Variants in SHISA9 observed in about 807,000 individuals in gnomAD.
The protein encoded by SHISA9 is shisa family member 9.
Under a neutral mutation model 38.0 loss-of-function variants are expected in SHISA9, and 13 were observed. The observed-to-expected ratio is 0.34, with a 90% CI of 0.22 to 0.54. The LOEUF is 0.54. Ranked by LOEUF, SHISA9 falls within the 20% of genes least tolerant of loss-of-function variation. The pLI is 0.91. For synonymous variants in SHISA9, 275 were observed against 242.0 expected, an observed-to-expected ratio of 1.14 and a Z score of -1.27; for missense variants, 538 against 575.8, an observed-to-expected ratio of 0.93 and a Z score of 0.67.
chr16:13,414,646 CTTTCTTT>C, the SHISA9 span, among the ~76,000 whole-genome samples: 2 of 136,612 alleles, frequency 1.5e-5, no homozygotes, highest in Non-Finnish European at 3.1e-5. Flanking sequence ...TTCTTTCTTT[CTTTCTTT>C]TTTTTTTTTC....
intron 2 of SHISA9, among the ~76,000 whole-genome samples, chr16:13,044,646 G>T (rs904170110): frequency 5.9e-5 from 9 of 152,188 alleles, no homozygotes; most frequent in Admixed American, 2.6e-4. Context: ...AGATGAGGAG[G>T]TTGCAGAAGG....
chr16:13,419,829 G>A, the SHISA9 span, among the ~76,000 whole-genome samples: 2 of 152,122 alleles, frequency 1.3e-5, no homozygotes, highest in Non-Finnish European at 2.9e-5. Context: ...CAGGTGGCAG[G>A]CTGGATTTGG....
At chr16:12,951,338 TG>T (rs1215451812) in intron 2 of SHISA9, among the ~76,000 whole-genome samples, 4 of 149,514 alleles carry the variant, frequency 2.7e-5, no homozygotes, top group Non-Finnish European at 4.4e-5. Context: ...GCAACATCAC[TG>T]GGGGGTAGAA....
chr16:12,998,932 T>C (rs2072491521), intron 2 of SHISA9, among the ~76,000 whole-genome samples: 2 of 152,184 alleles, frequency 1.3e-5, no homozygotes, highest in Non-Finnish European at 2.9e-5. Flanking sequence ...ACCATTGCTC[T>C]TAGAGGAAAT....
At chr16:13,313,254 C>CAA in the SHISA9 span, among the ~76,000 whole-genome samples, 2,447 of 49,546 alleles carry the variant, frequency 0.049, 55 homozygotes, top group Middle Eastern at 0.098. Flanking sequence ...GACTCCGTCT[C>CAA]AAAAAAAAAA....
intron 2 of SHISA9, among the ~76,000 whole-genome samples, chr16:13,114,187 C>T (rs2074006919): frequency 6.6e-6 from 1 of 151,992 alleles, no homozygotes; most frequent in Non-Finnish European, 1.5e-5. Context: ...ACGAAAAAGG[C>T]TGGGCGTGGT....
intron 2 of SHISA9, among the ~76,000 whole-genome samples, chr16:13,175,861 C>A (rs1213314465): frequency 6.6e-6 from 1 of 152,126 alleles, no homozygotes; most frequent in African/African-American, 2.4e-5. Context: ...TAGAACGTCA[C>A]ATGTGAGGAG....
the SHISA9 span, among the ~76,000 whole-genome samples, chr16:13,271,589 T>C: frequency 2.0e-5 from 3 of 152,134 alleles, no homozygotes; most frequent in African/African-American, 4.8e-5. Flanking sequence ...ACATCATGAA[T>C]GAACCTCAAA....
At chr16:13,240,434 T>G (rs753971777), downstream of SHISA9, 1 of 152,256 alleles carries the variant, frequency 6.6e-6, no homozygotes, top group Non-Finnish European at 1.5e-5. Context: ...GGGATTGTCA[T>G]GTATCTTTCT....
At chr16:13,201,117 G>A (rs1303980654) in intron 2 of SHISA9, among the ~76,000 whole-genome samples, 1 of 135,208 alleles carries the variant, frequency 7.4e-6, no homozygotes. Flanking sequence ...TTCAGGGGTT[G>A]TCAAACTATA....
chr16:13,197,348 G>C (rs1037755975), intron 2 of SHISA9, among the ~76,000 whole-genome samples: 3 of 152,100 alleles, frequency 2.0e-5, no homozygotes, highest in Admixed American at 1.3e-4. Flanking sequence ...TCTAGTTTCT[G>C]ACAGTTAATA....
chr16:13,505,607 A>G, the SHISA9 span, among the ~76,000 whole-genome samples: 1 of 152,360 alleles, frequency 6.6e-6, no homozygotes, highest in Middle Eastern at 3.4e-3. Flanking sequence ...ACAGTCTACA[A>G]TACTTCCCCT....
chr16:13,491,817 C>CT, the SHISA9 span, among the ~76,000 whole-genome samples: 5 of 46,890 alleles, frequency 1.1e-4, no homozygotes, highest in South Asian at 7.4e-4. Flanking sequence ...TATTTATTGA[C>CT]CTTTTTTTTT....
At chr16:13,308,410 C>G in the SHISA9 span, among the ~76,000 whole-genome samples, 2 of 152,176 alleles carry the variant, frequency 1.3e-5, no homozygotes, top group Admixed American at 1.3e-4. Flanking sequence ...CTCTGTCTCT[C>G]ATAACCATGG....
the SHISA9 span, among the ~76,000 whole-genome samples, chr16:13,274,740 T>C: frequency 6.6e-6 from 1 of 152,154 alleles, no homozygotes; most frequent in African/African-American, 2.4e-5. Context: ...AAGTCATTCA[T>C]GTTGCCTCGA....
intron 2 of SHISA9, among the ~76,000 whole-genome samples, chr16:13,027,353 G>T (rs932338510): frequency 6.6e-6 from 1 of 152,168 alleles, no homozygotes; most frequent in Admixed American, 6.5e-5. Context: ...AGTTAGAGGT[G>T]CCCCAAAGAG....
the SHISA9 span, among the ~76,000 whole-genome samples, chr16:13,327,635 T>C: frequency 1.3e-5 from 2 of 152,002 alleles, no homozygotes; most frequent in African/African-American, 4.8e-5. Flanking sequence ...AAGGCATAGC[T>C]CTTGCCTTTC....
the SHISA9 span, among the ~76,000 whole-genome samples, chr16:13,481,914 T>C: frequency 5.3e-5 from 8 of 152,246 alleles, no homozygotes; most frequent in Non-Finnish European, 7.3e-5. Flanking sequence ...AGAGAACTCA[T>C]ACATACTTTG....
the SHISA9 span, among the ~76,000 whole-genome samples, chr16:13,391,785 C>G: frequency 6.0e-4 from 92 of 152,160 alleles, no homozygotes; most frequent in Middle Eastern, 3.2e-3. Flanking sequence ...TTTTTGAACT[C>G]TGTAACCTGA....
Sources: gnomAD v4.1 joint callset for allele counts (sites outside exome capture counted in the v4.1 genomes callset) on GRCh38, gnomAD v4.1.1 for gene constraint, MANE v1.5 for transcripts, NCBI Gene and HGNC (gene_info 2026-07-23, HGNC 2026-07-21) for gene names.